IL6ST: variants seen among roughly 807,000 people sequenced by gnomAD.
IL6ST encodes interleukin-6 receptor subunit beta.
A neutral mutation model predicts 91.3 loss-of-function variants in IL6ST; 24 were observed. That is an observed-to-expected ratio of 0.26 (90% CI 0.19 to 0.37). The LOEUF is 0.37. Among genes scored for constraint, IL6ST ranks in the 10% least tolerant of loss-of-function variants. IL6ST has a pLI of 1.00. For synonymous variants in IL6ST, 351 were observed against 373.6 expected (o/e 0.94, Z 0.70); for missense variants, 914 against 1,078.5 (o/e 0.85, Z 2.14).
At chr5:55,983,095 G>A (rs1428036699) in intron 1 of IL6ST, among the ~76,000 whole-genome samples, 1 of 151,650 alleles carries the variant, frequency 6.6e-6, no homozygotes, top group Non-Finnish European at 1.5e-5. Flanking sequence ...AACTTCCCAG[G>A]CTCAGGTAAT....
rs565180181 is a variant in IL6ST, at chr5:55,979,225, T to C, written c.-15-2932A>G. ...CTGCACAAAATAGTGAGACCCTGAC[T>C]CTACAAAAAAATTTTAAAAGAGAAA... On this transcript the variant is annotated intron_variant, in intron 2 of 16. Coordinates refer to ENST00000381298, the MANE Select transcript of IL6ST (RefSeq NM_002184.4). Among the ~76,000 whole-genome samples the C allele has an allele frequency of 2.6e-5, 4 of 152,146 alleles. No homozygotes were observed. The East Asian group carries it at 7.7e-4, about 29-fold the overall frequency.
At chr5:55,975,048 G>A (rs961231376) in intron 3 of IL6ST, among the ~76,000 whole-genome samples, 10 of 151,796 alleles carry the variant, frequency 6.6e-5, no homozygotes, top group African/African-American at 2.4e-4. Context: ...GCAATGGCGT[G>A]ACCATGGCTC....
chr5:55,993,991 C>T (rs1323146628), intron 1 of IL6ST: 1 of 127,440 alleles, frequency 7.8e-6, no homozygotes, highest in Non-Finnish European at 1.5e-5. Context: ...TATTTTAAGG[C>T]AGTATAATTG....
chr5:55,953,296 A>G (rs573723735), intron 11 of IL6ST, among the ~76,000 whole-genome samples: 1 of 152,348 alleles, frequency 6.6e-6, no homozygotes, highest in South Asian at 2.1e-4. Context: ...CCAAAAAATG[A>G]ACAATTTTTA....
chr5:55,988,408 A>G (rs1754110627), intron 1 of IL6ST, among the ~76,000 whole-genome samples: 1 of 152,226 alleles, frequency 6.6e-6, no homozygotes, highest in Admixed American at 6.5e-5. Context: ...AGTCAAACAA[A>G]ACATCATCAA....
chr5:55,981,938 T>C (rs1467245254), intron 2 of IL6ST, among the ~76,000 whole-genome samples: 1 of 152,232 alleles, frequency 6.6e-6, no homozygotes, highest in Non-Finnish European at 1.5e-5. Context: ...ACTATGGTGA[T>C]ATAACATGGT....
At chr5:55,985,316 G>T (rs1457306606) in intron 1 of IL6ST, among the ~76,000 whole-genome samples, 2 of 151,970 alleles carry the variant, frequency 1.3e-5, no homozygotes, top group African/African-American at 4.8e-5. Context: ...AGAAGTTCGA[G>T]ACCAGCCTGG....
chr5:55,952,178 A>T, intron 12 of IL6ST, 72 bp downstream of exon 12: 1 of 1,479,616 alleles, frequency 6.8e-7, no homozygotes, highest in South Asian at 1.2e-5. Flanking sequence ...ATCTTTATTT[A>T]AAAGCGATAA....
At position 55,956,238 on chromosome 5, in the gene IL6ST, G is replaced by C. The variant is rs1160085458; in HGVS notation, c.1057-3C>G. 1 of 1,501,890 alleles carries C rather than the reference G, an allele frequency of 6.7e-7. No individual in the cohort carries two copies. The highest frequency in any genetic ancestry group is 1.4e-5 in the African/African-American group (1 of 72,354). 93.0% of individuals were successfully genotyped at this position (1,501,890 alleles called of 1,614,324 possible). A position where few individuals can be genotyped will look rare whatever the true frequency, so the allele number is the denominator to read the frequency against. On this transcript the variant is annotated splice_region_variant and splice_polypyrimidine_tract_variant and intron_variant, in intron 9 of 16. Transcript: ENST00000381298. Reference sequence around the variant, plus strand: ...TTGGCTTCAAAAGGAGGCAATGTCTGTAATAAAATAGTTTATTTTTAAAAA... The same window carrying C: ...TTGGCTTCAAAAGGAGGCAATGTCTCTAATAAAATAGTTTATTTTTAAAAA...
At chr5:55,967,789 TTA>T (rs1752723426) in intron 5 of IL6ST, among the ~76,000 whole-genome samples, 1 of 152,082 alleles carries the variant, frequency 6.6e-6, no homozygotes, top group Admixed American at 6.5e-5. Context: ...CTTTCTACTT[TTA>T]TTTTTTATTT....
Position 55,939,505 on chromosome 5 carries a change from C to T in IL6ST, c.*1577G>A. On this transcript the variant is annotated 3_prime_UTR_variant, in exon 17 of 17. Coordinates refer to ENST00000381298, the MANE Select transcript of IL6ST (RefSeq NM_002184.4). ...TTATATTTCCATTGTAAATGTATAC[C>T]AAGTTTTCTTAGCTTTCTATTCTCC... 1 of 205,294 alleles carries T rather than the reference C, an allele frequency of 4.9e-6. No homozygotes were observed. The highest frequency in any genetic ancestry group is 1.0e-5 in the Non-Finnish European group (1 of 100,386). 12.7% of individuals were successfully genotyped at this position (205,294 alleles called of 1,614,324 possible).
At chr5:55,954,658 T>C in intron 11 of IL6ST, 152 bp downstream of exon 11, 1 of 567,824 alleles carries the variant, frequency 1.8e-6, no homozygotes, top group Non-Finnish European at 3.1e-6. Flanking sequence ...AGAGGTTAAG[T>C]ATGACTTGCT....
chr5:55,964,815 A>C (rs1752546025), intron 5 of IL6ST, among the ~76,000 whole-genome samples: 1 of 152,138 alleles, frequency 6.6e-6, no homozygotes, highest in Non-Finnish European at 1.5e-5. Flanking sequence ...GGAAAGTTTC[A>C]AGTAATATTA....
chr5:55,946,815 CAAA>C (rs34769064), intron 15 of IL6ST, among the ~76,000 whole-genome samples: 1 of 116,534 alleles, frequency 8.6e-6, no homozygotes. Flanking sequence ...GACTCCATCT[CAAA>C]AAAAAAAAAA....
chr5:55,981,067 C>T (rs1163417126), intron 2 of IL6ST, among the ~76,000 whole-genome samples: 2 of 152,146 alleles, frequency 1.3e-5, no homozygotes, highest in Non-Finnish European at 2.9e-5. Flanking sequence ...TGCTCCAGAA[C>T]AAGAGGTCCA....
chr5:55,982,902 T>C, intron 1 of IL6ST, 91 bp from the exon 2 acceptor site: 1 of 395,750 alleles, frequency 2.5e-6, no homozygotes, highest in Non-Finnish European at 4.5e-6. Flanking sequence ...TCTTAGGCTT[T>C]TGGGTTTGCA....
rs758825534 is a variant in IL6ST at position 55,957,286 on chromosome 5, A to C, written c.979T>G (p.Ser327Ala). The stretch of plus-strand genomic sequence containing the variant: ...TTATACCAGAAACTTGGTGCTTTAG[A>C]TGGTCCTAAAGAAAAGACATAAACT... The part of the protein sequence containing the change: ...ASGITYEDRP[S>A]KAPSFWYKID... The change falls in exon 9 of 17, where the codon TCT (serine) becomes GCT (alanine). Residue 327 changes from serine to alanine, a missense_variant. Physicochemically the swap from Ser to Ala is moderately conservative, Grantham distance 99. Coordinates refer to ENST00000381298, the MANE Select transcript of IL6ST (RefSeq NM_002184.4). The C allele has an allele frequency of 6.6e-6, 10 of 1,515,364 alleles. No individual in the cohort carries two copies. The highest frequency in any genetic ancestry group is 9.0e-6 in the Non-Finnish European group (10 of 1,109,166). 93.9% of individuals were successfully genotyped at this position (1,515,364 alleles called of 1,614,324 possible).
chr5:55,969,187 C>CA (rs752365260), intron 4 of IL6ST, among the ~76,000 whole-genome samples: 190 of 79,176 alleles, frequency 2.4e-3, no homozygotes, highest in Admixed American at 4.0e-3. Context: ...ACTCTGTCAC[C>CA]AAAAAAAAAA....
At position 55,941,477 on chromosome 5, in the gene IL6ST, C is replaced by T; in HGVS notation, c.2362G>A (p.Asp788Asn). ...AGATCTTCTGGCCGCTCCTCTGAAT[C>T]TAACAAGGGCTGGGTAGACTCGGAT... ...SRSESTQPLL[D>N]SEERPEDLQL... The change falls in exon 17 of 17, where the codon GAT becomes AAT. Residue 788 changes from aspartate (D) to asparagine (N), a missense_variant. Asp to Asn is a conservative substitution (Grantham distance 23). Transcript: ENST00000381298. 1.2e-6 allele frequency: 2 copies of T among 1,614,124 alleles called. No homozygotes were observed. The highest frequency in any genetic ancestry group is 1.7e-6 in the Non-Finnish European group (2 of 1,180,004).
Sources: gnomAD v4.1 joint callset for allele counts (sites outside exome capture counted in the v4.1 genomes callset) on GRCh38, gnomAD v4.1.1 for gene constraint, MANE v1.5 for transcripts, NCBI Gene and HGNC (gene_info 2026-07-23, HGNC 2026-07-21) for gene names.